Variants in ARMC10 observed in about 807,000 individuals in gnomAD.
ARMC10 encodes armadillo repeat containing 10.
ARMC10 carries 23 observed loss-of-function variants against 30.2 expected under a neutral mutation model. The ratio of observed to expected loss-of-function variants is 0.76; its 90% CI spans 0.55 to 1.08. The LOEUF is 1.08. Among genes scored for constraint, ARMC10 ranks in the 50% least tolerant of loss-of-function variants. The pLI is 0.00. For missense variants in ARMC10, 303 were observed against 413.7 expected (o/e 0.73, Z 2.32); for synonymous variants, 111 against 164.4 (o/e 0.68, Z 2.48).
intron 2 of ARMC10, chr7:103,081,798 G>A: frequency 2.3e-6 from 1 of 442,366 alleles, no homozygotes. Flanking sequence ...ATGTATGCAT[G>A]TGTATATGAA....
chr7:103,082,998 T>C (rs1285429958), intron 2 of ARMC10: 1 of 452,590 alleles, frequency 2.2e-6, no homozygotes, highest in Non-Finnish European at 4.4e-6. Context: ...ATAGCTTTCC[T>C]TCTATCTGAT....
Position 103,075,408 on chromosome 7 carries a change from G to C in ARMC10, c.136G>C (p.Ala46Pro). The C allele has an allele frequency of 5.4e-6, 7 of 1,291,434 alleles. No homozygotes were observed. The highest frequency in any genetic ancestry group is 5.9e-6 in the Non-Finnish European group (6 of 1,016,734). 80.0% of individuals were successfully genotyped at this position (1,291,434 alleles called of 1,614,324 possible). The change falls in exon 1 of 7, where the codon GCA (alanine) becomes CCA (proline). Residue 46 changes from alanine to proline, a missense_variant. Around this residue, in one of 4 missense-constraint regions of ARMC10, gnomAD observed 96 missense variants for 84.2 expected, o/e 1.14. Coordinates refer to ENST00000323716, the MANE Select transcript of ARMC10 (RefSeq NM_031905.5). The stretch of plus-strand genomic sequence containing the variant: ...GCTCGGGATACGCTCTTCGAAGTCC[G>C]CAGGTGGGACCCCGGGGTTTCCGGC... ...RELGIRSSKS[A>P]GALEEGTSEG...
chr7:103,085,203 C>T (rs1414811571), intron 3 of ARMC10, among the ~76,000 whole-genome samples: 3 of 150,912 alleles, frequency 2.0e-5, no homozygotes, highest in East Asian at 2.0e-4. Flanking sequence ...TCTTGAGCAG[C>T]GGGGGTCAGT....
intron 1 of ARMC10, 111 bp downstream of exon 1, chr7:103,075,522 G>A (rs1799644372): frequency 7.1e-6 from 8 of 1,125,816 alleles, no homozygotes; most frequent in African/African-American, 1.6e-5. Flanking sequence ...GAGCTAGAGG[G>A]AGAGGCAGTA....
rs180705497 is a variant in ARMC10 at position 103,085,461 on chromosome 7, T to C, written c.394-1169T>C. On this transcript the variant is annotated intron_variant, in intron 3 of 6. Coordinates refer to ENST00000323716, the MANE Select transcript of ARMC10 (RefSeq NM_031905.5). ...GCATGTCTTCACTTGACAAGAATAA[T>C]TTTTAGCATATTTTTCTTACGAGAA... Among the ~76,000 whole-genome samples the C allele has an allele frequency of 2.6e-5, 4 of 152,316 alleles. No homozygotes were observed. In the East Asian group the frequency reaches 7.7e-4, roughly 29 times the overall value.
intron 4 of ARMC10, among the ~76,000 whole-genome samples, chr7:103,087,379 A>G (rs1258251313): frequency 2.6e-5 from 4 of 152,166 alleles, no homozygotes; most frequent in Non-Finnish European, 5.9e-5. Flanking sequence ...TAAAATGCTA[A>G]CCTACGTTAC....
At chr7:103,095,650 A>G (rs1801696155) in intron 5 of ARMC10, 1 of 152,126 alleles carries the variant, frequency 6.6e-6, no homozygotes, top group Non-Finnish European at 1.5e-5. Flanking sequence ...ATGGTTTCAC[A>G]TGGCCTTTGT....
intron 2 of ARMC10, among the ~76,000 whole-genome samples, chr7:103,077,410 A>G (rs1188122931): frequency 6.6e-6 from 1 of 152,074 alleles, no homozygotes; most frequent in East Asian, 1.9e-4. Context: ...TCTTAGAGTT[A>G]TGGAAGCTGA....
chr7:103,095,427 G>T (rs1179988401), intron 5 of ARMC10, among the ~76,000 whole-genome samples: 1 of 152,176 alleles, frequency 6.6e-6, no homozygotes, highest in Non-Finnish European at 1.5e-5. Flanking sequence ...ATCATTTCTG[G>T]TTATGTAAAT....
intron 2 of ARMC10, among the ~76,000 whole-genome samples, chr7:103,079,658 G>A (rs186466645): frequency 2.9e-3 from 446 of 152,260 alleles, no homozygotes; most frequent in African/African-American, 0.01. Context: ...CTAACTACTA[G>A]AAGCAATGAG....
chr7:103,093,083 C>G (rs1288644093), intron 5 of ARMC10, among the ~76,000 whole-genome samples: 1 of 152,218 alleles, frequency 6.6e-6, no homozygotes, highest in Non-Finnish European at 1.5e-5. Context: ...GTGCTTCACT[C>G]TGTCCAGTTA....
chr7:103,080,446 G>A (rs2129520541), intron 2 of ARMC10, among the ~76,000 whole-genome samples: 1 of 151,992 alleles, frequency 6.6e-6, no homozygotes, highest in East Asian at 1.9e-4. Context: ...GTAGAGACGG[G>A]GTTTCACCAT....
intron 2 of ARMC10, among the ~76,000 whole-genome samples, chr7:103,078,582 G>T (rs986157248): frequency 2.0e-5 from 3 of 152,212 alleles, no homozygotes; most frequent in African/African-American, 4.8e-5. Context: ...GTCTCGGGCA[G>T]TTCTTCATAG....
intron 2 of ARMC10, among the ~76,000 whole-genome samples, chr7:103,079,332 A>G (rs907653580): frequency 2.6e-5 from 4 of 151,552 alleles, no homozygotes; most frequent in Admixed American, 6.6e-5. Context: ...AAGCTCGGGG[A>G]AAAAAAAAGA....
In ARMC10 at chr7:103,086,775, T is replaced by G; in HGVS notation, c.528+11T>G. On this transcript the variant is annotated intron_variant, in intron 4 of 6. Coordinates refer to ENST00000323716, the MANE Select transcript of ARMC10 (RefSeq NM_031905.5). ...CAAATCAAGATAAAGGTAAGTTGAC[T>G]GAAAATCACAAATGTATAAGGTTTT... 1 of 1,587,164 alleles carries G rather than the reference T, an allele frequency of 6.3e-7. No homozygotes were observed. The highest frequency in any genetic ancestry group is 8.5e-7 in the Non-Finnish European group (1 of 1,172,204).
chr7:103,098,058 GA>G (rs762589487), intron 6 of ARMC10, among the ~76,000 whole-genome samples: 7 of 152,082 alleles, frequency 4.6e-5, no homozygotes, highest in Non-Finnish European at 7.4e-5. Flanking sequence ...TTTTCCAGCT[GA>G]AACACTCCCT....
intron 4 of ARMC10, among the ~76,000 whole-genome samples, chr7:103,087,496 G>A (rs1173779559): frequency 1.3e-5 from 2 of 152,154 alleles, no homozygotes; most frequent in East Asian, 3.8e-4. Flanking sequence ...TTCAGCCATG[G>A]CATATATAGC....
intron 2 of ARMC10, chr7:103,081,969 C>T: frequency 2.2e-6 from 1 of 456,240 alleles, no homozygotes; most frequent in South Asian, 1.5e-5. Flanking sequence ...CTAACTACCC[C>T]TGTGACTTTA....
intron 3 of ARMC10, among the ~76,000 whole-genome samples, chr7:103,084,658 T>C (rs1286234791): frequency 6.6e-6 from 1 of 152,214 alleles, no homozygotes; most frequent in Non-Finnish European, 1.5e-5. Flanking sequence ...CAGTTCAAGG[T>C]TGCAGAGTTC....
Sources: gnomAD v4.1 joint callset for allele counts (sites outside exome capture counted in the v4.1 genomes callset) on GRCh38, gnomAD v4.1.1 for gene constraint, gnomAD v4.1.1 regional missense constraint, MANE v1.5 for transcripts, NCBI Gene and HGNC (gene_info 2026-07-23, HGNC 2026-07-21) for gene names.